The following ARHGEF38 variants were observed in gnomAD, a reference collection of about 807,000 sequenced individuals.
The protein encoded by ARHGEF38 is Rho guanine nucleotide exchange factor 38, also known as Rho guanine nucleotide exchange factor (GEF) 38.
In ARHGEF38, 79 loss-of-function variants were observed where a neutral mutation model predicts 79.9. The observed-to-expected ratio is 0.99, with a 90% confidence interval of 0.82 to 1.19. The LOEUF (loss-of-function observed/expected upper bound fraction) is 1.19, where lower values mean the gene tolerates loss of function less well. Ranked by LOEUF, ARHGEF38 falls within the 50% of genes most tolerant of loss-of-function variation. The pLI is 0.00. For synonymous variants in ARHGEF38, 366 were observed against 328.3 expected (o/e 1.11, Z -1.24); for missense variants, 962 against 907.2 (o/e 1.06, Z -0.78).
At chr4:105,557,881 A>G (rs760993157) in intron 1 of ARHGEF38, among the ~76,000 whole-genome samples, 9 of 152,060 alleles carry the variant, frequency 5.9e-5, no homozygotes, top group Non-Finnish European at 8.8e-5. Flanking sequence ...GGCCACACTA[A>G]ACTTCTGGTT....
At chr4:105,621,314 C>A (rs1728727443) in intron 3 of ARHGEF38, among the ~76,000 whole-genome samples, 1 of 152,138 alleles carries the variant, frequency 6.6e-6, no homozygotes, top group Admixed American at 6.6e-5. Context: ...TAGCAATAGT[C>A]CTCTTATATG....
intron 6 of ARHGEF38, among the ~76,000 whole-genome samples, chr4:105,646,314 A>G (rs955161156): frequency 6.6e-6 from 1 of 152,236 alleles, no homozygotes; most frequent in Non-Finnish European, 1.5e-5. Flanking sequence ...TGTCCAGACT[A>G]TATAATCACT....
At chr4:105,636,875 G>A (rs911630622) in intron 5 of ARHGEF38, among the ~76,000 whole-genome samples, 1 of 151,844 alleles carries the variant, frequency 6.6e-6, no homozygotes, top group Non-Finnish European at 1.5e-5. Context: ...GATTTATGGA[G>A]AAAAAAATCA....
At chr4:105,660,527 C>G (rs1730521379) in intron 10 of ARHGEF38, among the ~76,000 whole-genome samples, 1 of 151,776 alleles carries the variant, frequency 6.6e-6, no homozygotes, top group Admixed American at 6.6e-5. Flanking sequence ...GCAACCTCCA[C>G]CTTCCGGGTT....
intron 9 of ARHGEF38, 98 bp downstream of exon 9, chr4:105,655,820 G>A: frequency 7.8e-7 from 1 of 1,276,200 alleles, no homozygotes; most frequent in Non-Finnish European, 1.0e-6. Context: ...AATAAAACAT[G>A]CACTAAAGCA....
chr4:105,656,044 T>C (rs937661610), intron 9 of ARHGEF38, among the ~76,000 whole-genome samples: 4 of 152,176 alleles, frequency 2.6e-5, no homozygotes, highest in African/African-American at 9.7e-5. Flanking sequence ...TAGAAAGCTT[T>C]GCTTTTCTTT....
At chr4:105,622,340 T>G (rs1228642920) in intron 3 of ARHGEF38, among the ~76,000 whole-genome samples, 2 of 152,132 alleles carry the variant, frequency 1.3e-5, no homozygotes, top group Non-Finnish European at 2.9e-5. Context: ...CAGGAAGGAA[T>G]GTAAGAGTCT....
intron 3 of ARHGEF38, among the ~76,000 whole-genome samples, chr4:105,617,923 T>C (rs1434035333): frequency 6.6e-6 from 1 of 152,174 alleles, no homozygotes; most frequent in African/African-American, 2.4e-5. Context: ...GATAAAGTAA[T>C]ATTCTGTACC....
intron 1 of ARHGEF38, among the ~76,000 whole-genome samples, chr4:105,572,055 A>C (rs902807906): frequency 1.3e-5 from 2 of 152,190 alleles, no homozygotes; most frequent in Non-Finnish European, 2.9e-5. Flanking sequence ...ATATTCAGTT[A>C]TGCTGTTTAC....
At chr4:105,556,652 A>G (rs1725264658) in intron 1 of ARHGEF38, among the ~76,000 whole-genome samples, 1 of 152,082 alleles carries the variant, frequency 6.6e-6, no homozygotes. Flanking sequence ...CCGCTCATAC[A>G]CCATGAAAGA....
intron 10 of ARHGEF38, among the ~76,000 whole-genome samples, chr4:105,664,214 CT>C (rs1730668827): frequency 6.6e-6 from 1 of 152,132 alleles, no homozygotes; most frequent in African/African-American, 2.4e-5. Flanking sequence ...ATTCAAAGCT[CT>C]ATTTTTAATT....
intron 10 of ARHGEF38, among the ~76,000 whole-genome samples, chr4:105,661,421 C>A (rs1730556792): frequency 6.6e-6 from 1 of 151,358 alleles, no homozygotes; most frequent in Non-Finnish European, 1.5e-5. Flanking sequence ...AGTGGCTGCA[C>A]TATTTTATCT....
chr4:105,614,489 T>C (rs1192747897), intron 3 of ARHGEF38, among the ~76,000 whole-genome samples: 1 of 152,128 alleles, frequency 6.6e-6, no homozygotes, highest in Non-Finnish European at 1.5e-5. Flanking sequence ...GTTAGAGTTA[T>C]AAAAATGTCA....
chr4:105,558,693 A>G (rs1725368561), intron 1 of ARHGEF38, among the ~76,000 whole-genome samples: 1 of 152,190 alleles, frequency 6.6e-6, no homozygotes, highest in Admixed American at 6.5e-5. Flanking sequence ...AGTCACAGAA[A>G]TTGAGACTGT....
At chr4:105,578,421 T>C (rs1726609361) in intron 1 of ARHGEF38, among the ~76,000 whole-genome samples, 1 of 152,212 alleles carries the variant, frequency 6.6e-6, no homozygotes, top group South Asian at 2.1e-4. Context: ...GAATGTTCTA[T>C]AATATCTGTT....
intron 1 of ARHGEF38, among the ~76,000 whole-genome samples, chr4:105,583,385 G>T (rs147904112): frequency 6.6e-6 from 1 of 152,164 alleles, no homozygotes; most frequent in African/African-American, 2.4e-5. Flanking sequence ...CCTCTCCCCA[G>T]CGTCCTCCTA....
At chr4:105,559,470 G>A (rs1465737845) in intron 1 of ARHGEF38, among the ~76,000 whole-genome samples, 2 of 152,098 alleles carry the variant, frequency 1.3e-5, no homozygotes, top group Non-Finnish European at 1.5e-5. Context: ...TGGGAAAGCT[G>A]GTAGAGAGAA....
chr4:105,589,475 A>G (rs953192861), intron 2 of ARHGEF38, 40 bp downstream of exon 2: 3 of 1,543,254 alleles, frequency 1.9e-6, no homozygotes, highest in Non-Finnish European at 2.6e-6. Context: ...CTCCCATATC[A>G]TAAATAGGAT....
chr4:105,670,352 T>C (rs1386069626), intron 13 of ARHGEF38, among the ~76,000 whole-genome samples: 1 of 152,204 alleles, frequency 6.6e-6, no homozygotes, highest in African/African-American at 2.4e-5. Context: ...AGGTGGTATC[T>C]CTCTGGGGTT....
Sources: gnomAD v4.1 joint callset for allele counts (sites outside exome capture counted in the v4.1 genomes callset) on GRCh38, gnomAD v4.1.1 for gene constraint, MANE v1.5 for transcripts, NCBI Gene and HGNC (gene_info 2026-07-23, HGNC 2026-07-21) for gene names.